CDH2: variants seen among roughly 807,000 people sequenced by gnomAD.
CDH2 encodes cadherin-2.
CDH2 carries 17 observed loss-of-function variants against 92.0 expected under a neutral mutation model. The ratio of observed to expected loss-of-function variants is 0.18; its 90% CI spans 0.13 to 0.28. CDH2 has a LOEUF of 0.28. CDH2 is among the 10% of genes least tolerant of loss of function. The pLI, the probability that CDH2 is intolerant of heterozygous loss-of-function variation, is 1.00. For missense variants in CDH2, 862 were observed against 1,133.1 expected (o/e 0.76, Z 3.44); for synonymous variants, 419 against 415.9 (o/e 1.01, Z -0.09).
chr18:28,048,124 C>A (rs17468443), intron 2 of CDH2, among the ~76,000 whole-genome samples: 31,538 of 151,826 alleles, frequency 0.21, 3,794 homozygotes, highest in Non-Finnish European at 0.27. Flanking sequence ...ACTTTCTATT[C>A]GATTCTTAAA....
At chr18:27,987,690 A>G (rs2012279925) in intron 11 of CDH2, among the ~76,000 whole-genome samples, 1 of 152,238 alleles carries the variant, frequency 6.6e-6, no homozygotes, top group Non-Finnish European at 1.5e-5. Flanking sequence ...AGTTCGTGTC[A>G]GCCACTGTTT....
intron 2 of CDH2, among the ~76,000 whole-genome samples, chr18:28,042,927 GATC>G (rs1365393644): frequency 6.6e-6 from 1 of 152,104 alleles, no homozygotes; most frequent in Non-Finnish European, 1.5e-5. Flanking sequence ...CGAAGATATG[GATC>G]ATAATAAAAA....
At chr18:28,063,143 T>C (rs1567983965) in intron 2 of CDH2, among the ~76,000 whole-genome samples, 1 of 152,192 alleles carries the variant, frequency 6.6e-6, no homozygotes, top group Non-Finnish European at 1.5e-5. Flanking sequence ...AATAAAAGTA[T>C]ATAGCTTTGT....
chr18:27,982,917 T>A, intron 14 of CDH2, 27 bp downstream of exon 14: 1 of 1,492,044 alleles, frequency 6.7e-7, no homozygotes, highest in Non-Finnish European at 9.0e-7. Context: ...ATAAAATTTA[T>A]TTTTAAAGAT....
intron 2 of CDH2, among the ~76,000 whole-genome samples, chr18:28,102,901 T>C (rs2015250124): frequency 6.6e-6 from 1 of 151,696 alleles, no homozygotes; most frequent in Non-Finnish European, 1.5e-5. Context: ...CAATTAAAAC[T>C]GGTTTCAGAT....
chr18:28,103,055 G>T (rs1250777890), intron 2 of CDH2, among the ~76,000 whole-genome samples: 1 of 151,006 alleles, frequency 6.6e-6, no homozygotes, highest in African/African-American at 2.4e-5. Context: ...TAGGTACTCA[G>T]AGTAGGCTGA....
At chr18:28,112,602 A>C (rs2015431288) in intron 2 of CDH2, among the ~76,000 whole-genome samples, 1 of 152,228 alleles carries the variant, frequency 6.6e-6, no homozygotes, top group Non-Finnish European at 1.5e-5. Context: ...TCTCATGATC[A>C]TCTTTTTAAT....
intron 2 of CDH2, among the ~76,000 whole-genome samples, chr18:28,092,153 C>T (rs979878045): frequency 2.6e-5 from 4 of 152,022 alleles, no homozygotes; most frequent in Admixed American, 2.0e-4. Flanking sequence ...GCCTGTAACA[C>T]ACCTACGAAC....
intron 2 of CDH2, among the ~76,000 whole-genome samples, chr18:28,065,217 C>T (rs1003766213): frequency 6.6e-6 from 1 of 152,002 alleles, no homozygotes; most frequent in African/African-American, 2.4e-5. Flanking sequence ...GGTTTTTATC[C>T]CCTGTTGACA....
Position 28,013,887 on chromosome 18 carries a change from T to A in CDH2, c.195A>T (p.Gly65=), listed in dbSNP as rs755455153. The A allele has an allele frequency of 1.2e-6, 2 of 1,612,816 alleles. No individual in the cohort carries two copies. The highest frequency in any genetic ancestry group is 3.3e-5 in the Admixed American group (2 of 59,956). Reference sequence around the variant, plus strand: ...TGCTCTCATATTGTACTTTTCTTTTTCCATTGCAGTTGCTAAACTTCACTG... The same window carrying A: ...TGCTCTCATATTGTACTTTTCTTTTACCATTGCAGTTGCTAAACTTCACTG... ...LLNVKFSNCN[G]KRKVQYESSE... The change falls in exon 3 of 16, where the codon GGA becomes GGT. Residue 65 remains glycine (G), a synonymous_variant. Transcript: ENST00000269141.
intron 1 of CDH2, among the ~76,000 whole-genome samples, chr18:28,175,259 G>A (rs1300253605): frequency 6.6e-6 from 1 of 152,180 alleles, no homozygotes; most frequent in Non-Finnish European, 1.5e-5. Flanking sequence ...AACTGCAAAG[G>A]CCAAAAATGT....
chr18:28,098,732 A>G (rs2144227893), intron 2 of CDH2, among the ~76,000 whole-genome samples: 1 of 152,240 alleles, frequency 6.6e-6, no homozygotes, highest in South Asian at 2.1e-4. Context: ...GGCTGCAAAC[A>G]GGACATTTGT....
chr18:27,955,587 T>C (rs1241302422), intron 15 of CDH2, among the ~76,000 whole-genome samples: 1 of 151,852 alleles, frequency 6.6e-6, no homozygotes, highest in East Asian at 1.9e-4. Context: ...GGACTCTTCA[T>C]CAAATGACTA....
At chr18:28,047,151 G>A (rs938159065) in intron 2 of CDH2, among the ~76,000 whole-genome samples, 1 of 152,050 alleles carries the variant, frequency 6.6e-6, no homozygotes, top group Non-Finnish European at 1.5e-5. Flanking sequence ...CACTTCCATA[G>A]GAAGCAGATT....
At chr18:28,050,687 C>T (rs10853681) in intron 2 of CDH2, among the ~76,000 whole-genome samples, 25,232 of 151,970 alleles carry the variant, frequency 0.17, 2,421 homozygotes, top group East Asian at 0.3. Context: ...ATGCCTTTTT[C>T]ACTTTTGTTG....
chr18:28,141,721 C>T (rs1368619643), intron 2 of CDH2, among the ~76,000 whole-genome samples: 1 of 151,948 alleles, frequency 6.6e-6, no homozygotes, highest in Non-Finnish European at 1.5e-5. Flanking sequence ...TCATGTTTTA[C>T]CTCTACTGAA....
chr18:28,139,989 C>A (rs904275719), intron 2 of CDH2, among the ~76,000 whole-genome samples: 18 of 151,972 alleles, frequency 1.2e-4, no homozygotes, highest in Non-Finnish European at 1.5e-5. Flanking sequence ...TCTTCTCTAT[C>A]ACAGTCAGTC....
chr18:27,958,416 T>C (rs1206593039), intron 15 of CDH2, among the ~76,000 whole-genome samples: 2 of 151,824 alleles, frequency 1.3e-5, no homozygotes, highest in Non-Finnish European at 2.9e-5. Context: ...TAGAGAAATA[T>C]ACTTCATATA....
chr18:28,070,197 T>C (rs2014589538), intron 2 of CDH2, among the ~76,000 whole-genome samples: 1 of 152,126 alleles, frequency 6.6e-6, no homozygotes, highest in African/African-American at 2.4e-5. Flanking sequence ...CATAAGGAAG[T>C]TTGCCAAGAG....
Sources: allele counts gnomAD v4.1 joint callset (sites outside exome capture counted in the v4.1 genomes callset), GRCh38; gene constraint gnomAD v4.1.1; transcripts MANE v1.5; gene names NCBI Gene and HGNC (gene_info 2026-07-23, HGNC 2026-07-21).